The following PDE4D variants were observed in gnomAD, a reference collection of about 807,000 sequenced individuals.
The protein encoded by PDE4D is phosphodiesterase 4D, also known as 3',5'-cyclic-AMP phosphodiesterase 4D.
A neutral mutation model predicts 87.4 loss-of-function variants in PDE4D; 24 were observed. The ratio of observed to expected loss-of-function variants is 0.27; its 90% confidence interval spans 0.20 to 0.39. The LOEUF (loss-of-function observed/expected upper bound fraction) is 0.39, where lower values mean the gene tolerates loss of function less well. PDE4D is among the 10% of genes least tolerant of loss of function. The pLI is 1.00. For synonymous variants in PDE4D, 384 were observed against 383.2 expected (o/e 1.00, Z -0.02); for missense variants, 714 against 1,041.0 (o/e 0.69, Z 4.32).
At chr5:60,432,087 GGGAGAA>G (rs1206743477) in intron 1 of PDE4D, among the ~76,000 whole-genome samples, 1 of 125,620 alleles carries the variant, frequency 8.0e-6, no homozygotes, top group Non-Finnish European at 1.7e-5. Flanking sequence ...GGAGACCGTG[GGGAGAA>G]GGAGAGGGAG....
chr5:59,014,784 T>C (rs1168072747), intron 6 of PDE4D, among the ~76,000 whole-genome samples: 12 of 152,180 alleles, frequency 7.9e-5, no homozygotes, highest in Admixed American at 7.2e-4. Context: ...TTAAAGTTCA[T>C]ATGGAACCAA....
intron 1 of PDE4D, among the ~76,000 whole-genome samples, chr5:59,319,705 G>T (rs1296603294): frequency 6.6e-6 from 1 of 152,072 alleles, no homozygotes; most frequent in Non-Finnish European, 1.5e-5. Flanking sequence ...ATGTCTTTTG[G>T]ATTAACTATA....
intron 11 of PDE4D, among the ~76,000 whole-genome samples, chr5:58,978,333 G>C: frequency 9.2e-6 from 1 of 108,892 alleles, no homozygotes; most frequent in African/African-American, 3.3e-5. Context: ...AGGATTGCTT[G>C]AGCCCAGGAG....
intron 1 of PDE4D, among the ~76,000 whole-genome samples, chr5:59,423,312 T>C (rs529544877): frequency 6.6e-6 from 1 of 152,370 alleles, no homozygotes; most frequent in African/African-American, 2.4e-5. Context: ...TTGTTTCCTT[T>C]TGAGCAGTTC....
At chr5:59,657,191 T>C (rs1244621602) in intron 1 of PDE4D, among the ~76,000 whole-genome samples, 1 of 152,246 alleles carries the variant, frequency 6.6e-6, no homozygotes. Flanking sequence ...GGAAGTGCTG[T>C]CTCTATAAGG....
intron 1 of PDE4D, among the ~76,000 whole-genome samples, chr5:59,876,374 A>C (rs1186573734): frequency 6.6e-6 from 1 of 152,166 alleles, no homozygotes; most frequent in African/African-American, 2.4e-5. Context: ...TGTGTTCACT[A>C]GCAAACTCTT....
intron 5 of PDE4D, among the ~76,000 whole-genome samples, chr5:59,138,895 A>G: frequency 6.6e-6 from 1 of 152,228 alleles, no homozygotes; most frequent in Middle Eastern, 3.2e-3. Context: ...AGGATGAAAG[A>G]GGTGTGTGAA....
chr5:59,486,244 A>G (rs1805125738), intron 1 of PDE4D, among the ~76,000 whole-genome samples: 1 of 152,106 alleles, frequency 6.6e-6, no homozygotes, highest in African/African-American at 2.4e-5. Flanking sequence ...AGGAAACCAC[A>G]TTATTTGATT....
chr5:60,017,604 A>G (rs1332389188), intron 2 of PDE4D, among the ~76,000 whole-genome samples: 9 of 152,092 alleles, frequency 5.9e-5, no homozygotes, highest in Admixed American at 5.9e-4. Context: ...AGCTCCATCC[A>G]TGTCCCTGCA....
At chr5:59,913,312 C>T (rs570333706) in intron 3 of PDE4D, among the ~76,000 whole-genome samples, 1 of 152,198 alleles carries the variant, frequency 6.6e-6, no homozygotes, top group East Asian at 1.9e-4. Flanking sequence ...GTAGAAAATT[C>T]CCAAAGCTTG....
chr5:59,008,207 GAA>G (rs1293877057), intron 6 of PDE4D, among the ~76,000 whole-genome samples: 2 of 152,078 alleles, frequency 1.3e-5, no homozygotes, highest in East Asian at 3.9e-4. Flanking sequence ...AATCTTGTAT[GAA>G]AAAGTATTGT....
At chr5:59,876,426 C>T (rs114345470) in intron 1 of PDE4D, among the ~76,000 whole-genome samples, 188 of 152,292 alleles carry the variant, frequency 1.2e-3, no homozygotes, top group African/African-American at 4.4e-3. Context: ...CCATCACTCA[C>T]CCAGTTGGCT....
rs1032537780 is a variant in PDE4D, at chr5:59,227,175, C to G, written c.456-11207G>C. On this transcript the variant is annotated intron_variant, in intron 1 of 14. Coordinates refer to ENST00000340635, the MANE Select transcript of PDE4D (RefSeq NM_001104631.2). ...TATATTTCCAAAATGCACTCTTTCT[C>G]AAAATGTGGCTTCATCAAGCTAAAG... Among the ~76,000 whole-genome samples the G allele has an allele frequency of 3.6e-4, 55 of 152,256 alleles. 1 individual carries two copies. Among genetic ancestry groups the G allele is most frequent in the African/African-American group, 1.3e-3 (53 of 41,550 alleles).
chr5:59,565,731 C>G (rs1174567475), intron 1 of PDE4D, among the ~76,000 whole-genome samples: 1 of 151,392 alleles, frequency 6.6e-6, no homozygotes, highest in Non-Finnish European at 1.5e-5. Context: ...GACAGATGCT[C>G]AGGATGATTA....
At chr5:59,181,541 C>CACATATATA (rs61135815) in intron 4 of PDE4D, among the ~76,000 whole-genome samples, 2 of 60,838 alleles carry the variant, frequency 3.3e-5, no homozygotes, top group East Asian at 6.6e-4. Context: ...TCAAAGATGT[C>CACATATATA]TGATATATAT....
intron 1 of PDE4D, among the ~76,000 whole-genome samples, chr5:59,273,282 C>T (rs1764187251): frequency 6.6e-6 from 1 of 151,440 alleles, no homozygotes; most frequent in South Asian, 2.1e-4. Flanking sequence ...TGTGCAGAGG[C>T]ACAAGAAGAG....
chr5:60,004,305 T>C (rs1764276555), intron 2 of PDE4D, among the ~76,000 whole-genome samples: 1 of 152,082 alleles, frequency 6.6e-6, no homozygotes, highest in Admixed American at 6.6e-5. Context: ...GTTCAACCTT[T>C]CCCACCCTCT....
At chr5:59,786,167 G>A (rs778404933) in intron 1 of PDE4D, among the ~76,000 whole-genome samples, 3 of 152,042 alleles carry the variant, frequency 2.0e-5, no homozygotes, top group Non-Finnish European at 2.9e-5. Flanking sequence ...AAGTTCCATC[G>A]ATCAGCTCTT....
chr5:59,429,146 T>C (rs1317146993), intron 1 of PDE4D, among the ~76,000 whole-genome samples: 1 of 152,160 alleles, frequency 6.6e-6, no homozygotes, highest in Non-Finnish European at 1.5e-5. Context: ...ACATTAGATA[T>C]TCATGTGGAT....
Sources: allele counts gnomAD v4.1 joint callset (sites outside exome capture counted in the v4.1 genomes callset), GRCh38; gene constraint gnomAD v4.1.1; transcripts MANE v1.5; gene names NCBI Gene and HGNC (gene_info 2026-07-23, HGNC 2026-07-21).